The following ATXN7L1 variants were observed in gnomAD, a reference collection of about 807,000 sequenced individuals.
ATXN7L1 encodes ataxin 7 like 1, also known as ataxin-7-like protein 1.
In ATXN7L1, 15 loss-of-function variants were observed where a neutral mutation model predicts 70.8. The ratio of observed to expected loss-of-function variants is 0.21; its 90% CI spans 0.14 to 0.33. The LOEUF is 0.33. ATXN7L1 is among the 10% of genes least tolerant of loss of function. The pLI is 1.00. For synonymous variants in ATXN7L1, 440 were observed against 445.1 expected, an observed-to-expected ratio of 0.99 and a Z score of 0.14; for missense variants, 975 against 1,097.1, an observed-to-expected ratio of 0.89 and a Z score of 1.57.
In ATXN7L1 at chr7:105,604,822, G is replaced by A. The variant is rs1005958662; in HGVS notation, c.*3030C>T. 2.1e-4 allele frequency among the ~76,000 whole-genome samples: 32 copies of A among 152,138 alleles called. No homozygotes were observed. The highest frequency in any genetic ancestry group is 4.8e-5 in the African/African-American group (2 of 41,428). ...ATATACCCCATGACTGACCAGCTAC[G>A]TAAAACCCACAGAGTTTTGTTAAAG... On this transcript the variant is annotated 3_prime_UTR_variant, in exon 12 of 12. Transcript: ENST00000419735.
At chr7:105,769,463 G>T (rs1040764124) in intron 3 of ATXN7L1, among the ~76,000 whole-genome samples, 29 of 152,126 alleles carry the variant, frequency 1.9e-4, no homozygotes, top group African/African-American at 7.0e-4. Flanking sequence ...CCCATAGTGG[G>T]TGATCAGAAA....
At chr7:105,693,724 C>A (rs1006183786) in intron 3 of ATXN7L1, among the ~76,000 whole-genome samples, 9 of 152,292 alleles carry the variant, frequency 5.9e-5, no homozygotes, top group African/African-American at 2.2e-4. Context: ...AAAGGTTGCT[C>A]TTCTGGTTAC....
intron 2 of ATXN7L1, among the ~76,000 whole-genome samples, chr7:105,859,081 G>A (rs1816166986): frequency 6.6e-6 from 1 of 151,984 alleles, no homozygotes; most frequent in South Asian, 2.1e-4. Flanking sequence ...AATTTTGAAC[G>A]AGAACTGGGT....
intron 3 of ATXN7L1, among the ~76,000 whole-genome samples, chr7:105,679,752 G>C (rs377638674): frequency 6.6e-6 from 1 of 152,210 alleles, no homozygotes; most frequent in South Asian, 2.1e-4. Flanking sequence ...ACAGAAAGCC[G>C]ACTTGTGGTT....
At chr7:105,875,673 G>C in intron 2 of ATXN7L1, 139 bp downstream of exon 2, 1 of 363,630 alleles carries the variant, frequency 2.8e-6, no homozygotes, top group Non-Finnish European at 4.9e-6. Flanking sequence ...TTAACATGAA[G>C]CAGTAGTCAC....
intron 2 of ATXN7L1, among the ~76,000 whole-genome samples, chr7:105,864,112 A>G (rs980640313): frequency 1.1e-4 from 17 of 152,070 alleles, no homozygotes; most frequent in African/African-American, 3.6e-4. Context: ...AATAAACAGT[A>G]GTTCTCAAAG....
chr7:105,627,851 T>TG (rs1795958725), intron 7 of ATXN7L1, among the ~76,000 whole-genome samples: 1 of 142,278 alleles, frequency 7.0e-6, no homozygotes, highest in Non-Finnish European at 1.5e-5. Context: ...GTTTTTTTTT[T>TG]TTTTTTTTTT....
chr7:105,688,118 G>A (rs1790204816), intron 3 of ATXN7L1, among the ~76,000 whole-genome samples: 1 of 152,108 alleles, frequency 6.6e-6, no homozygotes, highest in South Asian at 2.1e-4. Context: ...ACCACCAGGT[G>A]GCCCATGACT....
chr7:105,783,369 A>G (rs1040488442), intron 3 of ATXN7L1, among the ~76,000 whole-genome samples: 1 of 152,210 alleles, frequency 6.6e-6, no homozygotes, highest in Non-Finnish European at 1.5e-5. Context: ...TATTGGTCTT[A>G]GTCCTCAGTT....
At chr7:105,789,502 A>G (rs1804817514) in intron 2 of ATXN7L1, among the ~76,000 whole-genome samples, 1 of 152,164 alleles carries the variant, frequency 6.6e-6, no homozygotes, top group Admixed American at 6.5e-5. Flanking sequence ...GGCAGAGGAG[A>G]ATGCTTCCCT....
chr7:105,730,889 G>T (rs1383796620), intron 3 of ATXN7L1, among the ~76,000 whole-genome samples: 1 of 152,170 alleles, frequency 6.6e-6, no homozygotes, highest in Non-Finnish European at 1.5e-5. Flanking sequence ...GTTAATATTG[G>T]TTCAAGAATT....
chr7:105,787,175 G>A (rs527385391), intron 3 of ATXN7L1, among the ~76,000 whole-genome samples: 1 of 152,300 alleles, frequency 6.6e-6, no homozygotes, highest in African/African-American at 2.4e-5. Context: ...CCAGGCACAC[G>A]ACTTGCTCCT....
chr7:105,626,974 G>A (rs1795797446), intron 7 of ATXN7L1, among the ~76,000 whole-genome samples: 1 of 152,182 alleles, frequency 6.6e-6, no homozygotes, highest in Non-Finnish European at 1.5e-5. Context: ...TGATGTTGTG[G>A]ACGTGTTTCC....
intron 7 of ATXN7L1, among the ~76,000 whole-genome samples, chr7:105,633,804 TAAAAG>T (rs575835669): frequency 0.012 from 1,889 of 152,154 alleles, 18 homozygotes; most frequent in South Asian, 0.02. Flanking sequence ...AGTTGCCAGA[TAAAAG>T]AGAGGAGGAG....
intron 3 of ATXN7L1, among the ~76,000 whole-genome samples, chr7:105,738,847 T>A (rs1013997710): frequency 5.3e-5 from 8 of 152,204 alleles, no homozygotes; most frequent in African/African-American, 1.9e-4. Flanking sequence ...GTGCCATAAC[T>A]ATTTGCTGGA....
intron 3 of ATXN7L1, among the ~76,000 whole-genome samples, chr7:105,666,947 T>G (rs900290625): frequency 6.6e-6 from 1 of 152,174 alleles, no homozygotes; most frequent in African/African-American, 2.4e-5. Flanking sequence ...TCTTTATCTG[T>G]GAATGAAGTG....
chr7:105,665,774 C>T (rs1294720645), intron 3 of ATXN7L1, among the ~76,000 whole-genome samples: 1 of 152,158 alleles, frequency 6.6e-6, no homozygotes, highest in African/African-American at 2.4e-5. Flanking sequence ...AGGCTTGAAT[C>T]GAAAGGACTT....
At chr7:105,748,211 A>G (rs1798795611) in intron 3 of ATXN7L1, among the ~76,000 whole-genome samples, 1 of 152,106 alleles carries the variant, frequency 6.6e-6, no homozygotes, top group Non-Finnish European at 1.5e-5. Context: ...CACACACAAC[A>G]CCCAACTCTA....
chr7:105,848,414 T>C (rs1476314501), intron 2 of ATXN7L1, among the ~76,000 whole-genome samples: 4 of 152,228 alleles, frequency 2.6e-5, no homozygotes, highest in African/African-American at 7.2e-5. Flanking sequence ...ATCATGAATG[T>C]GTGCAAAAAT....
Sources: allele counts gnomAD v4.1 joint callset (sites outside exome capture counted in the v4.1 genomes callset), GRCh38; gene constraint gnomAD v4.1.1; transcripts MANE v1.5; gene names NCBI Gene and HGNC (gene_info 2026-07-23, HGNC 2026-07-21).